SLFNL1: variants seen among roughly 807,000 people sequenced by gnomAD.
SLFNL1 encodes the protein schlafen-like protein 1.
A neutral mutation model predicts 32.5 loss-of-function variants in SLFNL1; 26 were observed. The ratio of observed to expected loss-of-function variants is 0.80; its 90% CI spans 0.59 to 1.11. The LOEUF (loss-of-function observed/expected upper bound fraction) is 1.11, where lower values mean the gene tolerates loss of function less well. SLFNL1 is among the 50% of genes least tolerant of loss of function. The pLI is 0.00. For synonymous variants in SLFNL1, 255 were observed against 242.2 expected, an observed-to-expected ratio of 1.05 and a Z score of -0.49; for missense variants, 553 against 546.5, an observed-to-expected ratio of 1.01 and a Z score of -0.12.
chr1:41,017,536 C>A lies in SLFNL1; in HGVS notation c.957+99G>T, dbSNP rs1571011033. The stretch of plus-strand genomic sequence containing the variant: ...CCTCTTCTCCTGTGGCCCCCAGTCC[C>A]GTCCCTGCCCCAGCACTGCCTGGCA... On this transcript the variant is annotated intron_variant, in intron 4 of 5. Transcript: ENST00000302946. The surrounding 1 kb of genome is among the most constrained non-coding windows in gnomAD (Gnocchi z 4.9). The A allele has an allele frequency of 6.7e-7, 1 of 1,493,298 alleles. No individual in the cohort carries two copies. Among genetic ancestry groups the A allele is most frequent in the South Asian group, 1.3e-5 (1 of 74,374 alleles). The allele number at this position is 1,493,298 out of a possible 1,614,324, so 92.5% of individuals were successfully genotyped here. A position where few individuals can be genotyped will look rare whatever the true frequency, so the allele number is the denominator to read the frequency against.
chr1:41,019,847 A>G (rs1344648122), intron 3 of SLFNL1, among the ~76,000 whole-genome samples: 1 of 152,014 alleles, frequency 6.6e-6, no homozygotes, highest in African/African-American at 2.4e-5. Flanking sequence ...TCCCTGCCTT[A>G]CTCTTGGCAC....
In SLFNL1 at chr1:41,016,239, A is replaced by G. The variant is rs761397562; in HGVS notation, c.1102-11T>C. 6.2e-7 allele frequency: 1 copy of G among 1,613,394 alleles called. No individual in the cohort carries two copies. Among genetic ancestry groups the G allele is most frequent in the Non-Finnish European group, 8.5e-7 (1 of 1,179,712 alleles). On this transcript the variant is annotated splice_polypyrimidine_tract_variant and intron_variant, in intron 5 of 5. Coordinates refer to ENST00000302946, the MANE Select transcript of SLFNL1 (RefSeq NM_144990.4). Reference sequence around the variant, plus strand: ...CTCCACCAGCCACCTCTGAGGGGACATGGGAAAAGCATGTGGCCAAGCCCG... The same window carrying G: ...CTCCACCAGCCACCTCTGAGGGGACGTGGGAAAAGCATGTGGCCAAGCCCG...
chr1:41,018,465 C>G, intron 3 of SLFNL1: 1 of 313,402 alleles, frequency 3.2e-6, no homozygotes, highest in Admixed American at 4.7e-5. Context: ...GGTGCTGGGA[C>G]ATGTGTGGGC....
rs763038202 is a variant in SLFNL1, at chr1:41,018,009, CGCCGCTGGGCCGGCCCTGGCAGCTCTGCA to C, written c.554_582del (p.Leu185ArgfsTer37). 8.1e-6 allele frequency: 13 copies of C among 1,603,880 alleles called. No homozygotes were observed. Among genetic ancestry groups the C allele is most frequent in the Non-Finnish European group, 1.0e-5 (12 of 1,176,124 alleles). ...TGCACAATGGCACTGTCGGAGCACA[CGCCGCTGGGCCGGCCCTGGCAGCTCTGCA>C]GCTGCTGGGCCTGGGGCCTATCAGG... is the stretch of plus-strand genomic sequence containing the variant. On this transcript the variant is annotated frameshift_variant, in exon 4 of 6. Transcript: ENST00000302946. LOFTEE classifies it high-confidence loss of function.
rs1224748489 is a variant in SLFNL1, at chr1:41,020,354, C to T, written c.307G>A (p.Asp103Asn). The change falls in exon 3 of 6, where the codon GAC (aspartate) becomes AAC (asparagine). Residue 103 changes from aspartate to asparagine, a missense_variant. Coordinates refer to ENST00000302946, the MANE Select transcript of SLFNL1 (RefSeq NM_144990.4). ...YALVQVTVHR[D>N]TLASLPWRLQ... ...CGCCAGGGGAGGGAGGCCAGGGTGT[C>T]CCTGTGGACAGTCACCTGCACCAGT... The T allele has an allele frequency of 3.7e-6, 6 of 1,613,536 alleles. No individual in the cohort carries two copies. In the South Asian group the frequency reaches 5.5e-5, roughly 15 times the overall value.
At chr1:41,018,222 G>T in intron 3 of SLFNL1, 66 bp from the exon 4 acceptor site, 1 of 1,410,418 alleles carries the variant, frequency 7.1e-7, no homozygotes, top group Admixed American at 2.9e-5. Flanking sequence ...ACCCTGAGAA[G>T]GACTGCAAGA....
In SLFNL1 at chr1:41,017,438, T is replaced by C. The variant is rs1004423573; in HGVS notation, c.958-61A>G. Reference sequence around the variant, plus strand: ...CCCTCACGGTCGGCAGCCCCCATCCTGCCAGGCTGCTCAGCATTGCTCACT... The same window carrying C: ...CCCTCACGGTCGGCAGCCCCCATCCCGCCAGGCTGCTCAGCATTGCTCACT... On this transcript the variant is annotated intron_variant, in intron 4 of 5. Transcript: ENST00000302946. This position sits in a 1 kb window ranked among gnomAD's most constrained non-coding sequence, Gnocchi z 4.9. 1 of 1,577,934 alleles carries C rather than the reference T, an allele frequency of 6.3e-7. No individual in the cohort carries two copies. Among genetic ancestry groups the C allele is most frequent in the African/African-American group, 1.3e-5 (1 of 74,380 alleles).
intron 2 of SLFNL1, 25 bp from the exon 3 acceptor site, chr1:41,020,803 G>T: frequency 1.4e-6 from 1 of 730,396 alleles, no homozygotes; most frequent in Non-Finnish European, 2.2e-6. Flanking sequence ...GATTGGCAGA[G>T]ACTGGGCAGG....
Position 41,017,594 on chromosome 1 carries a change from CAG to C in SLFNL1, c.957+39_957+40del. 4 of 1,511,870 alleles carry C rather than the reference CAG, an allele frequency of 2.6e-6. No individual in the cohort carries two copies. Among genetic ancestry groups the C allele is most frequent in the Non-Finnish European group, 3.5e-6 (4 of 1,130,352 alleles). 93.7% of individuals were successfully genotyped at this position (1,511,870 alleles called of 1,614,324 possible). A position where few individuals can be genotyped will look rare whatever the true frequency, so the allele number is the denominator to read the frequency against. On this transcript the variant is annotated intron_variant, in intron 4 of 5. Coordinates refer to ENST00000302946, the MANE Select transcript of SLFNL1 (RefSeq NM_144990.4). The surrounding 1 kb of genome is among the most constrained non-coding windows in gnomAD (Gnocchi z 4.9). ...AGGCCATCGTCTTACTGAGTGATGACAGATGACAGGCCCAGAGGCCCTCCTGT... is the reference window on the plus strand; with the variant it reads ...AGGCCATCGTCTTACTGAGTGATGACATGACAGGCCCAGAGGCCCTCCTGT...
chr1:41,017,357 G>A lies in SLFNL1; in HGVS notation c.978C>T (p.His326=). The A allele has an allele frequency of 6.2e-7, 1 of 1,613,652 alleles. No homozygotes were observed. Among genetic ancestry groups the A allele is most frequent in the South Asian group, 1.1e-5 (1 of 91,078 alleles). The change falls in exon 5 of 6, where the codon CAC becomes CAT. Residue 326 remains histidine, a synonymous_variant. Coordinates refer to ENST00000302946, the MANE Select transcript of SLFNL1 (RefSeq NM_144990.4). The surrounding 1 kb of genome is among the most constrained non-coding windows in gnomAD (Gnocchi z 4.9). Reference sequence around the variant, plus strand: ...GCGGCTGGCTCTGGGCCTTGGGGGTGTGCACGGTCAGGCGGATCACCTTGG... The same window carrying A: ...GCGGCTGGCTCTGGGCCTTGGGGGTATGCACGGTCAGGCGGATCACCTTGG... ...VPLKVIRLTV[H]TPKAQSQPQL... is the part of the protein sequence containing the mutation.
In SLFNL1 at chr1:41,020,415, G is replaced by A; in HGVS notation, c.246C>T (p.His82=). 1 of 1,613,014 alleles carries A rather than the reference G, an allele frequency of 6.2e-7. No homozygotes were observed. ...TCCGCGGCCGCCTCACCACTTCAAT[G>A]TGCTCCCGCGCCACCGGCATCTCCA... The part of the protein sequence containing the change: ...ERLEMPVARE[H]IEVVRRPRKA... Residue 82 remains histidine, a synonymous_variant, in exon 3 of 6, where the codon CAC becomes CAT. Transcript: ENST00000302946.
In SLFNL1 at chr1:41,017,529, C is replaced by T. The variant is rs1016022889; in HGVS notation, c.957+106G>A. On this transcript the variant is annotated intron_variant, in intron 4 of 5. Coordinates refer to ENST00000302946, the MANE Select transcript of SLFNL1 (RefSeq NM_144990.4). This position sits in a 1 kb window ranked among gnomAD's most constrained non-coding sequence, Gnocchi z 4.9. ...TCCCCAGCCTCTTCTCCTGTGGCCC[C>T]CAGTCCCGTCCCTGCCCCAGCACTG... 6 of 1,491,180 alleles carry T rather than the reference C, an allele frequency of 4.0e-6. No individual in the cohort carries two copies. The highest frequency in any genetic ancestry group is 2.3e-5 in the Admixed American group (1 of 44,418). The allele number at this position is 1,491,180 out of a possible 1,614,324, so 92.4% of individuals were successfully genotyped here.
At position 41,020,748 on chromosome 1, in the gene SLFNL1, C is replaced by G. The variant is rs1413501045; in HGVS notation, c.-88G>C. The G allele has an allele frequency of 7.9e-6, 10 of 1,267,090 alleles. No individual in the cohort carries two copies. The highest frequency in any genetic ancestry group is 1.1e-5 in the Non-Finnish European group (10 of 912,170). The allele number at this position is 1,267,090 out of a possible 1,614,324, so 78.5% of individuals were successfully genotyped here. Reference sequence around the variant, plus strand: ...CTGTGTTCTCAGTGTGGCTTAAGGGCTCCCAGAGGACTCAGGGAGTGTCCC... The same window carrying G: ...CTGTGTTCTCAGTGTGGCTTAAGGGGTCCCAGAGGACTCAGGGAGTGTCCC... On this transcript the variant is annotated 5_prime_UTR_variant, in exon 3 of 6. Transcript: ENST00000302946.
In SLFNL1 at chr1:41,020,242, G is replaced by A; in HGVS notation, c.419C>T (p.Pro140Leu). 6.3e-7 allele frequency: 1 copy of A among 1,595,656 alleles called. No homozygotes were observed. The highest frequency in any genetic ancestry group is 8.5e-7 in the Non-Finnish European group (1 of 1,169,850). ...KDLLLSEAQGPFSHREEKEEE... is the reference protein window; with the variant it reads ...KDLLLSEAQGLFSHREEKEEE... ...CCCACTTACCTCTCTGTGGCTGAAG[G>A]GCCCTTGGGCCTCACTCAATAGCAG... The change falls in exon 3 of 6, where the codon CCC becomes CTC. Residue 140 changes from proline (P) to leucine (L), a missense_variant. Pro to Leu is a moderately conservative substitution (Grantham distance 98, BLOSUM62 -3). Coordinates refer to ENST00000302946, the MANE Select transcript of SLFNL1 (RefSeq NM_144990.4).
intron 1 of SLFNL1, 49 bp downstream of exon 1, chr1:41,021,573 TG>T: frequency 6.5e-6 from 1 of 152,824 alleles, no homozygotes; most frequent in Non-Finnish European, 1.5e-5. Context: ...GCAGTTGGCC[TG>T]GGGGCATTCA....
rs1359119367 is a variant in SLFNL1 at position 41,017,062 on chromosome 1, C to A, written c.1101+172G>T. On this transcript the variant is annotated intron_variant, in intron 5 of 5. Transcript: ENST00000302946. This position sits in a 1 kb window ranked among gnomAD's most constrained non-coding sequence, Gnocchi z 4.9. ...TGGGCCTCTTCCTTCCCACCAGCCACCTACCCGCGGAGTATGGGATGTGGT... is the reference window on the plus strand; with the variant it reads ...TGGGCCTCTTCCTTCCCACCAGCCAACTACCCGCGGAGTATGGGATGTGGT... 1 of 760,480 alleles carries A rather than the reference C, an allele frequency of 1.3e-6. No homozygotes were observed. The highest frequency in any genetic ancestry group is 3.0e-5 in the East Asian group (1 of 33,872). The allele number at this position is 760,480 out of a possible 1,614,324, so 47.1% of individuals were successfully genotyped here.
intron 3 of SLFNL1, among the ~76,000 whole-genome samples, chr1:41,018,825 C>A (rs927488377): frequency 3.7e-5 from 5 of 135,374 alleles, no homozygotes; most frequent in Admixed American, 2.5e-4. Context: ...TGTCAACCCT[C>A]CTGTTTTTTT....
Position 41,017,153 on chromosome 1 carries a change from G to T in SLFNL1, c.1101+81C>A. 1.4e-6 allele frequency: 2 copies of T among 1,466,512 alleles called. No individual in the cohort carries two copies. Among genetic ancestry groups the T allele is most frequent in the Non-Finnish European group, 1.8e-6 (2 of 1,106,322 alleles). 90.8% of individuals were successfully genotyped at this position (1,466,512 alleles called of 1,614,324 possible). A position where few individuals can be genotyped will look rare whatever the true frequency, so the allele number is the denominator to read the frequency against. ...AGGACCCAGGGAACCATGGTGGCTTGCCCTGGGCTGCTCAGTGGGTGGCTG... is the reference window on the plus strand; with the variant it reads ...AGGACCCAGGGAACCATGGTGGCTTTCCCTGGGCTGCTCAGTGGGTGGCTG... On this transcript the variant is annotated intron_variant, in intron 5 of 5. Transcript: ENST00000302946. This position sits in a 1 kb window ranked among gnomAD's most constrained non-coding sequence, Gnocchi z 4.9.
Position 41,020,440 on chromosome 1 carries a change from A to G in SLFNL1, c.221T>C (p.Leu74Pro), listed in dbSNP as rs747182792. The change falls in exon 3 of 6, where the codon CTG becomes CCG. Residue 74 changes from leucine (L) to proline (P), a missense_variant. Physicochemically the swap from Leu to Pro is moderately conservative, Grantham distance 98. Coordinates refer to ENST00000302946, the MANE Select transcript of SLFNL1 (RefSeq NM_144990.4). Reference protein sequence around the residue: ...ACLLRDTLERLEMPVAREHIE... With the variant: ...ACLLRDTLERPEMPVAREHIE... ...GTGCTCCCGCGCCACCGGCATCTCC[A>G]GCCGCTCCAGGGTGTCTCGCAGCAG... The G allele has an allele frequency of 4.3e-6, 7 of 1,613,256 alleles. No individual in the cohort carries two copies. Among genetic ancestry groups the G allele is most frequent in the Non-Finnish European group, 5.1e-6 (6 of 1,180,004 alleles).
Sources: allele counts gnomAD v4.1 joint callset (sites outside exome capture counted in the v4.1 genomes callset), GRCh38; gene constraint gnomAD v4.1.1; non-coding constraint Gnocchi (gnomAD v3.1); transcripts MANE v1.5; gene names NCBI Gene and HGNC (gene_info 2026-07-23, HGNC 2026-07-21).